Variants in ACP1 observed in about 807,000 individuals in gnomAD.
ACP1 encodes the protein acid phosphatase 1, also known as low molecular weight phosphotyrosine protein phosphatase.
In ACP1, 23 loss-of-function variants were observed where a neutral mutation model predicts 23.4. The ratio of observed to expected loss-of-function variants is 0.98; its 90% CI spans 0.71 to 1.39. ACP1 has a LOEUF of 1.39. ACP1 is among the 40% of genes most tolerant of loss of function. ACP1 has a pLI of 0.00. For synonymous variants in ACP1, 72 were observed against 67.2 expected (o/e 1.07, Z -0.35); for missense variants, 180 against 197.7 (o/e 0.91, Z 0.54).
chr2:272,246 C>G (rs1379237353), intron 3 of ACP1, 96 bp downstream of exon 3: 7 of 1,614,032 alleles, frequency 4.3e-6, no homozygotes. Flanking sequence ...GTCCCCAGAC[C>G]CAAGAGCTGT....
chr2:267,971 A>G (rs1669932488), intron 1 of ACP1, among the ~76,000 whole-genome samples: 1 of 152,198 alleles, frequency 6.6e-6, no homozygotes, highest in Non-Finnish European at 1.5e-5. Context: ...GATTTTTTCC[A>G]ACTACTCAAC....
chr2:272,010 A>C (rs1670051583), intron 2 of ACP1, 27 bp from the exon 3 acceptor site: 5 of 1,609,494 alleles, frequency 3.1e-6, no homozygotes, highest in Non-Finnish European at 4.2e-6. Context: ...AAAAAAAAAA[A>C]AAAATTCCAT....
At chr2:275,262 TTTG>T (rs780281563) in intron 4 of ACP1, 61 bp downstream of exon 4, 13 of 909,056 alleles carry the variant, frequency 1.4e-5, no homozygotes, top group Non-Finnish European at 2.2e-5. Flanking sequence ...GGCCAAGTAA[TTTG>T]TTGTCCAGAT....
intron 3 of ACP1, chr2:272,488 A>G: frequency 7.0e-7 from 1 of 1,432,958 alleles, no homozygotes; most frequent in Non-Finnish European, 9.1e-7. Flanking sequence ...TGACTTTGGA[A>G]TTTACTTATT....
rs1558259993 is a variant in ACP1 at position 264,964 on chromosome 2, G to A, written c.-1G>A. 1 of 1,612,660 alleles carries A rather than the reference G, an allele frequency of 6.2e-7. No individual in the cohort carries two copies. Among genetic ancestry groups the A allele is most frequent in the Non-Finnish European group, 8.5e-7 (1 of 1,179,362 alleles). On this transcript the variant is annotated 5_prime_UTR_variant, in exon 1 of 6. Coordinates refer to ENST00000272065, the MANE Select transcript of ACP1 (RefSeq NM_004300.4). ...GTCTCGGCGCCTCTGCGCGCGGGAA[G>A]ATGGCGGAACAGGCTACCAAGTCCG...
At chr2:270,147 T>C (rs1300417513) in intron 1 of ACP1, among the ~76,000 whole-genome samples, 2 of 152,220 alleles carry the variant, frequency 1.3e-5, no homozygotes, top group Admixed American at 6.5e-5. Context: ...TGGTAACTTG[T>C]AGGAAGGGTC....
chr2:277,031 A>ACT lies in ACP1; in HGVS notation c.346_347dup (p.Leu117TyrfsTer69), dbSNP rs1670192308. On this transcript the variant is annotated frameshift_variant, in exon 5 of 6. Transcript: ENST00000272065. LOFTEE classifies it high-confidence loss of function. Reference sequence around the variant, plus strand: ...TTAAAACCTGCAAAGCTAAAATTGAACTACTTGGGAGCTATGATCCACAAA... The same window carrying ACT: ...TTAAAACCTGCAAAGCTAAAATTGAACTCTACTTGGGAGCTATGATCCACAAA... 1 of 1,612,822 alleles carries ACT rather than the reference A, an allele frequency of 6.2e-7. No homozygotes were observed. Among genetic ancestry groups the ACT allele is most frequent in the Non-Finnish European group, 8.5e-7 (1 of 1,179,432 alleles).
At chr2:265,573 A>G (rs1572192185) in intron 1 of ACP1, among the ~76,000 whole-genome samples, 1 of 143,032 alleles carries the variant, frequency 7.0e-6, no homozygotes, top group East Asian at 2.5e-4. Context: ...GCTTTTCAGG[A>G]ACTTTCCAGC....
rs1039581383 is a variant in ACP1, at chr2:272,065, G to A, written c.146G>A (p.Gly49Glu). Reference protein sequence around the residue: ...NWRVDSAATSGYEIGNPPDYR... With the variant: ...NWRVDSAATSEYEIGNPPDYR... ...AGGGTAGACAGCGCGGCAACTTCCG[G>A]GTATGAGATAGGGAACCCCCCTGAC... The change falls in exon 3 of 6, where the codon GGG (glycine) becomes GAG (glutamate). Residue 49 changes from glycine (G) to glutamate (E), a missense_variant. Around this residue, in one of 3 missense-constraint regions of ACP1, gnomAD observed 132 missense variants for 124.1 expected, o/e 1.06. Transcript: ENST00000272065. 20 of 1,613,992 alleles carry A rather than the reference G, an allele frequency of 1.2e-5. No homozygotes were observed. In the African/African-American group the frequency reaches 2.5e-4, roughly 20 times the overall value.
chr2:266,427 GT>G (rs1269062312), intron 1 of ACP1: 6 of 152,180 alleles, frequency 3.9e-5, no homozygotes, highest in Non-Finnish European at 5.9e-5. Flanking sequence ...CCCTTGTATA[GT>G]TTTGGTTGGT....
chr2:271,055 A>G (rs2103073021), intron 1 of ACP1, among the ~76,000 whole-genome samples: 1 of 152,116 alleles, frequency 6.6e-6, no homozygotes, highest in Non-Finnish European at 1.5e-5. Context: ...GGTGTCCCTG[A>G]CCTTGGGCTG....
intron 3 of ACP1, among the ~76,000 whole-genome samples, chr2:273,746 A>G (rs1242570115): frequency 6.6e-6 from 1 of 152,240 alleles, no homozygotes; most frequent in Non-Finnish European, 1.5e-5. Flanking sequence ...CAATTATTGT[A>G]ACATCTAAAA....
chr2:269,551 C>T (rs149931549), intron 1 of ACP1, among the ~76,000 whole-genome samples: 413 of 152,188 alleles, frequency 2.7e-3, no homozygotes, highest in African/African-American at 9.6e-3. Flanking sequence ...TCCTCTTTTT[C>T]GTATCTGTTT....
Position 276,981 on chromosome 2 carries a change from G to T in ACP1, c.295G>T (p.Asp99Tyr), listed in dbSNP as rs770818590. 2 of 1,579,550 alleles carry T rather than the reference G, an allele frequency of 1.3e-6. No individual in the cohort carries two copies. Among genetic ancestry groups the T allele is most frequent in the South Asian group, 2.3e-5 (2 of 88,512 alleles). ...TAAGTTCATATTTCAATTTTACAGA[G>T]ATTTGAATAGAAAAAGTAATCAAGT... ...ILCMDESNLR[D>Y]LNRKSNQVKT... Residue 99 changes from aspartate (D) to tyrosine (Y), a missense_variant and splice_region_variant, in exon 5 of 6, where the codon GAT becomes TAT. Physicochemically the swap from Asp to Tyr is radical, Grantham distance 160. Coordinates refer to ENST00000272065, the MANE Select transcript of ACP1 (RefSeq NM_004300.4).
rs754709690 is a variant in ACP1, at chr2:271,978, C to T, written c.117+39C>T. The T allele has an allele frequency of 1.9e-6, 3 of 1,597,646 alleles. No individual in the cohort carries two copies. The Admixed American group carries it at 5.1e-5, about 27-fold the overall frequency. ...ATTATCTTAAAGAGGCCAACCTGAA[C>T]TCCTCTGGGCAGGAAATTGCAAAAA... is the stretch of plus-strand genomic sequence containing the variant. On this transcript the variant is annotated intron_variant, in intron 2 of 5. Transcript: ENST00000272065.
intron 1 of ACP1, among the ~76,000 whole-genome samples, chr2:265,703 C>T (rs567707582): frequency 1.3e-3 from 192 of 152,322 alleles, no homozygotes; most frequent in African/African-American, 4.2e-3. Flanking sequence ...TTATATTCCT[C>T]GGTGCCTCCA....
rs755811774 is a variant in ACP1, at chr2:277,216, T to A, written c.400-11T>A. On this transcript the variant is annotated splice_polypyrimidine_tract_variant and intron_variant, in intron 5 of 5. Coordinates refer to ENST00000272065, the MANE Select transcript of ACP1 (RefSeq NM_004300.4). ...GGTTTTGCCATTTTCTTCTTTTTCCTGTCCATTTAGGGGAATGACTCTGAC... is the reference window on the plus strand; with the variant it reads ...GGTTTTGCCATTTTCTTCTTTTTCCAGTCCATTTAGGGGAATGACTCTGAC... 1 of 1,614,112 alleles carries A rather than the reference T, an allele frequency of 6.2e-7. No homozygotes were observed. Among genetic ancestry groups the A allele is most frequent in the Non-Finnish European group, 8.5e-7 (1 of 1,179,942 alleles).
intron 3 of ACP1, chr2:273,059 T>A (rs1188711506): frequency 1.3e-5 from 2 of 154,468 alleles, no homozygotes; most frequent in African/African-American, 4.8e-5. Context: ...AAGGGGCTCA[T>A]GGGGCTGTGA....
At position 265,154 on chromosome 2, in the gene ACP1, G is replaced by C. The variant is rs114190930; in HGVS notation, c.43+147G>C. 4 of 879,954 alleles carry C rather than the reference G, an allele frequency of 4.5e-6. No homozygotes were observed. The African/African-American group carries it at 7.1e-5, about 16-fold the overall frequency. 54.5% of individuals were successfully genotyped at this position (879,954 alleles called of 1,614,324 possible). A position where few individuals can be genotyped will look rare whatever the true frequency, so the allele number is the denominator to read the frequency against. On this transcript the variant is annotated intron_variant, in intron 1 of 5. Transcript: ENST00000272065. ...GCCTAGGGTGTTCTAGGAGTGTGCC[G>C]CAGCGCCCCTGTTCCCCATCCGCCC...
Sources: allele counts gnomAD v4.1 joint callset (sites outside exome capture counted in the v4.1 genomes callset), GRCh38; gene constraint gnomAD v4.1.1; regional missense constraint gnomAD v4.1.1; transcripts MANE v1.5; gene names NCBI Gene and HGNC (gene_info 2026-07-23, HGNC 2026-07-21).